COL6A5: variants seen among roughly 807,000 people sequenced by gnomAD.
COL6A5 encodes collagen type VI alpha 5 chain.
A neutral mutation model predicts 65.6 loss-of-function variants in COL6A5; 48 were observed. The observed-to-expected ratio is 0.73, with a 90% confidence interval of 0.58 to 0.93. The LOEUF is 0.93. Ranked by LOEUF, COL6A5 falls within the 40% of genes least tolerant of loss-of-function variation. The probability of loss-of-function intolerance (pLI) is 0.00; values close to 1 mark genes in which losing one functional copy is unlikely to be tolerated. For synonymous variants in COL6A5, 291 were observed against 322.8 expected (o/e 0.90, Z 1.05); for missense variants, 914 against 928.3 (o/e 0.98, Z 0.20).
intron 1 of COL6A5, among the ~76,000 whole-genome samples, chr3:130,436,451 GA>G (rs1013676030): frequency 3.3e-5 from 5 of 151,364 alleles, no homozygotes; most frequent in African/African-American, 9.7e-5. Flanking sequence ...ATCTCCTAGG[GA>G]AAAAAAACAT....
exon 8 of COL6A5, chr3:130,395,413 G>A: frequency 1.3e-6 from 2 of 1,545,080 alleles, no homozygotes; most frequent in Non-Finnish European, 1.7e-6. Context: ...TAAAGAATGT[G>A]GATGTGAAAA....
chr3:130,433,626 A>G (rs1937912267), intron 1 of COL6A5, among the ~76,000 whole-genome samples: 1 of 151,810 alleles, frequency 6.6e-6, no homozygotes, highest in South Asian at 2.1e-4. Context: ...CCTCCTTCCA[A>G]TCCTCTTCAT....
intron 7 of COL6A5, among the ~76,000 whole-genome samples, chr3:130,478,197 A>G (rs181393138): frequency 3.9e-5 from 6 of 152,264 alleles, no homozygotes; most frequent in African/African-American, 1.4e-4. Context: ...AGCTCTTAGC[A>G]TAGAGTAAAA....
At chr3:130,392,560 C>G (rs1305144018) in intron 7 of COL6A5, among the ~76,000 whole-genome samples, 1 of 152,148 alleles carries the variant, frequency 6.6e-6, no homozygotes, top group East Asian at 1.9e-4. Context: ...AAACAATTAA[C>G]TCTCAAATTT....
chr3:130,401,829 G>C (rs867881721), exon 12 of COL6A5: 2 of 1,551,416 alleles, frequency 1.3e-6, no homozygotes, highest in Non-Finnish European at 1.7e-6. Context: ...GGACCTCATG[G>C]GACCCGAGGA....
At chr3:130,405,493 G>T in intron 13 of COL6A5, 95 bp from the exon 14 acceptor site, 1 of 749,666 alleles carries the variant, frequency 1.3e-6, no homozygotes, top group Non-Finnish European at 2.3e-6. Context: ...AGCTCATAGT[G>T]CCCATGTGCT....
intron 4 of COL6A5, among the ~76,000 whole-genome samples, chr3:130,446,936 A>G (rs1709319646): frequency 6.6e-6 from 1 of 152,148 alleles, no homozygotes; most frequent in Non-Finnish European, 1.5e-5. Flanking sequence ...AACAATGCCA[A>G]ATGTAATTGG....
intron 18 of COL6A5, 104 bp from the exon 19 acceptor site, chr3:130,409,905 C>T: frequency 1.3e-6 from 1 of 749,792 alleles, no homozygotes. Flanking sequence ...TCTCACACCT[C>T]TTATAGCTTG....
At chr3:130,355,850 T>A (rs982276994) in intron 1 of COL6A5, among the ~76,000 whole-genome samples, 1 of 151,526 alleles carries the variant, frequency 6.6e-6, no homozygotes, top group African/African-American at 2.4e-5. Flanking sequence ...GAATCACAGA[T>A]CTGATCAAAA....
chr3:130,401,073 A>G (rs1323406580), exon 11 of COL6A5: 1 of 1,551,372 alleles, frequency 6.4e-7, no homozygotes, highest in Non-Finnish European at 8.7e-7. Context: ...ACAACTGCTC[A>G]TCATGAGTTT....
chr3:130,390,980 T>C (rs1290218260), intron 6 of COL6A5, among the ~76,000 whole-genome samples, 199 bp from the exon 7 acceptor site: 1 of 152,220 alleles, frequency 6.6e-6, no homozygotes, highest in East Asian at 1.9e-4. Context: ...TTTGGAGTCA[T>C]GATGTAGGCA....
chr3:130,442,394 C>T (rs1709205971), intron 3 of COL6A5, among the ~76,000 whole-genome samples: 1 of 152,054 alleles, frequency 6.6e-6, no homozygotes, highest in African/African-American at 2.4e-5. Context: ...CAATTTTGTT[C>T]TTTGTGCCAT....
exon 6 of COL6A5, chr3:130,469,420 C>A (rs1709895763): frequency 6.2e-7 from 1 of 1,612,822 alleles, no homozygotes. Context: ...TTGGCCGAAC[C>A]CACAAGCCAG....
At chr3:130,456,931 C>A (rs1709587523) in intron 5 of COL6A5, among the ~76,000 whole-genome samples, 3 of 151,402 alleles carry the variant, frequency 2.0e-5, no homozygotes, top group Non-Finnish European at 4.4e-5. Context: ...GTAGAAGCTA[C>A]AATTAAGGAT....
chr3:130,399,920 AT>A (rs542131194), intron 10 of COL6A5, among the ~76,000 whole-genome samples: 1 of 150,876 alleles, frequency 6.6e-6, no homozygotes, highest in Non-Finnish European at 1.5e-5. Context: ...GCCTGGCTAA[AT>A]TTTTTTTGTA....
intron 22 of COL6A5, among the ~76,000 whole-genome samples, chr3:130,414,460 CT>C (rs1420037716): frequency 7.2e-5 from 11 of 152,080 alleles, no homozygotes; most frequent in Admixed American, 5.9e-4. Context: ...AGCTGGGGTC[CT>C]GCATACACAG....
At chr3:130,405,531 C>T (rs1329822698) in intron 13 of COL6A5, 57 bp from the exon 14 acceptor site, 2 of 1,281,944 alleles carry the variant, frequency 1.6e-6, no homozygotes, top group African/African-American at 2.9e-5. Flanking sequence ...AAATAAACCA[C>T]TGGCAGCTTC....
At chr3:130,395,216 G>T in exon 8 of COL6A5, 2 of 1,551,622 alleles carry the variant, frequency 1.3e-6, no homozygotes, top group Non-Finnish European at 1.7e-6. Flanking sequence ...AAATGCTGGT[G>T]TCCCCCAAAC....
At chr3:130,371,231 T>C (rs1935543662) in intron 1 of COL6A5, among the ~76,000 whole-genome samples, 1 of 151,964 alleles carries the variant, frequency 6.6e-6, no homozygotes, top group Non-Finnish European at 1.5e-5. Flanking sequence ...AATATTAAGA[T>C]GCTAAAACTC....
Sources: allele counts gnomAD v4.1 joint callset (sites outside exome capture counted in the v4.1 genomes callset), GRCh38; gene constraint gnomAD v4.1.1; transcripts MANE v1.5; gene names NCBI Gene and HGNC (gene_info 2026-07-23, HGNC 2026-07-21).